The following NUAK1 variants were observed in gnomAD, a reference collection of about 807,000 sequenced individuals.
NUAK1 encodes NUAK family kinase 1.
In NUAK1, 26 loss-of-function variants were observed where a neutral mutation model predicts 56.9. The ratio of observed to expected loss-of-function variants is 0.46; its 90% CI spans 0.33 to 0.63. The LOEUF (loss-of-function observed/expected upper bound fraction) is 0.63, where lower values mean the gene tolerates loss of function less well. NUAK1 is among the 30% of genes least tolerant of loss of function. The probability of loss-of-function intolerance (pLI) is 0.02; values close to 1 mark genes in which losing one functional copy is unlikely to be tolerated. For synonymous variants in NUAK1, 337 were observed against 336.0 expected (o/e 1.00, Z -0.03); for missense variants, 727 against 876.1 (o/e 0.83, Z 2.15).
chr12:106,095,672 G>A (rs902830451), intron 2 of NUAK1, among the ~76,000 whole-genome samples: 4 of 152,204 alleles, frequency 2.6e-5, no homozygotes, highest in Non-Finnish European at 5.9e-5. Context: ...TTATGGGTAT[G>A]CACTGGCAGA....
At chr12:106,121,125 C>T (rs1251891671) in intron 1 of NUAK1, among the ~76,000 whole-genome samples, 1 of 152,188 alleles carries the variant, frequency 6.6e-6, no homozygotes, top group African/African-American at 2.4e-5. Context: ...GCGGAAAGAA[C>T]CCACAGCGGG....
intron 2 of NUAK1, among the ~76,000 whole-genome samples, chr12:106,089,437 C>T (rs1384044789): frequency 1.3e-5 from 2 of 152,204 alleles, no homozygotes; most frequent in Non-Finnish European, 2.9e-5. Context: ...CAGTCCAATA[C>T]ACCAAATATT....
intron 2 of NUAK1, among the ~76,000 whole-genome samples, chr12:106,100,053 T>C (rs988275079): frequency 6.4e-5 from 9 of 140,218 alleles, no homozygotes; most frequent in Non-Finnish European, 1.4e-4. Flanking sequence ...CTACCAAAAA[T>C]ACCTCACTTG....
At chr12:106,098,397 CGT>C (rs781275980) in intron 2 of NUAK1, among the ~76,000 whole-genome samples, 7 of 152,110 alleles carry the variant, frequency 4.6e-5, no homozygotes, top group Non-Finnish European at 8.8e-5. Flanking sequence ...TATCAAAGGA[CGT>C]GTTTGTCTAT....
At chr12:106,068,447 T>C (rs987674561) in intron 6 of NUAK1, among the ~76,000 whole-genome samples, 1 of 152,184 alleles carries the variant, frequency 6.6e-6, no homozygotes, top group African/African-American at 2.4e-5. Flanking sequence ...AGACAGAACA[T>C]GGAGTGTGGC....
At chr12:106,070,741 C>T (rs1189135018) in intron 6 of NUAK1, 33 bp downstream of exon 6, 2 of 1,613,576 alleles carry the variant, frequency 1.2e-6, no homozygotes, top group Admixed American at 1.7e-5. Flanking sequence ...TCTCTCCCCT[C>T]CACCTCTGAC....
At chr12:106,136,334 G>A (rs1592866357) in intron 1 of NUAK1, among the ~76,000 whole-genome samples, 1 of 152,162 alleles carries the variant, frequency 6.6e-6, no homozygotes, top group East Asian at 1.9e-4. Context: ...ATTTGCGGCT[G>A]GTAAAGAAGC....
intron 2 of NUAK1, among the ~76,000 whole-genome samples, chr12:106,094,372 A>C (rs1353625502): frequency 6.6e-6 from 1 of 152,232 alleles, no homozygotes; most frequent in East Asian, 1.9e-4. Flanking sequence ...CACTTCAAAA[A>C]TGAAGTGATC....
chr12:106,071,979 C>T (rs1170479931), intron 5 of NUAK1, among the ~76,000 whole-genome samples: 3 of 152,154 alleles, frequency 2.0e-5, no homozygotes, highest in South Asian at 2.1e-4. Context: ...AGAGAACCAT[C>T]TTTCAAAAAG....
In NUAK1 at chr12:106,087,924, C is replaced by T. The variant is rs532028786; in HGVS notation, c.362-1039G>A. On this transcript the variant is annotated intron_variant, in intron 2 of 6. Coordinates refer to ENST00000261402, the MANE Select transcript of NUAK1 (RefSeq NM_014840.3). ...AATGCCGCAGGTTGCAGGGCCGCTG[C>T]TACTATGATCTCAAGCCGGTTCCCG... 2.0e-5 allele frequency among the ~76,000 whole-genome samples: 3 copies of T among 152,356 alleles called. No individual in the cohort carries two copies. The East Asian group carries it at 5.8e-4, about 29-fold the overall frequency.
intron 2 of NUAK1, among the ~76,000 whole-genome samples, chr12:106,096,659 C>G (rs988689681): frequency 6.6e-6 from 1 of 152,208 alleles, no homozygotes; most frequent in Non-Finnish European, 1.5e-5. Flanking sequence ...CTCTGAGTCT[C>G]TGATGAGGGC....
At chr12:106,096,179 G>A (rs565556670) in intron 2 of NUAK1, among the ~76,000 whole-genome samples, 2 of 151,460 alleles carry the variant, frequency 1.3e-5, no homozygotes, top group African/African-American at 4.8e-5. Flanking sequence ...TTAAAAATTA[G>A]TGTCAAGTAT....
At chr12:106,124,377 T>C (rs949290907) in intron 1 of NUAK1, among the ~76,000 whole-genome samples, 2 of 152,208 alleles carry the variant, frequency 1.3e-5, no homozygotes, top group African/African-American at 4.8e-5. Flanking sequence ...TGGGATCTCA[T>C]TAGCAGAGGA....
In NUAK1 at chr12:106,070,757, C is replaced by T. The variant is rs553148801; in HGVS notation, c.832+17G>A. On this transcript the variant is annotated intron_variant, in intron 6 of 6. Transcript: ENST00000261402. Reference sequence around the variant, plus strand: ...CTCTCCCCTCCACCTCTGACCCTCCCTCCACAGGGCACGCACCTGAGGGCT... The same window carrying T: ...CTCTCCCCTCCACCTCTGACCCTCCTTCCACAGGGCACGCACCTGAGGGCT... 1 of 1,614,108 alleles carries T rather than the reference C, an allele frequency of 6.2e-7. No homozygotes were observed. Among genetic ancestry groups the T allele is most frequent in the South Asian group, 1.1e-5 (1 of 91,080 alleles).
intron 4 of NUAK1, among the ~76,000 whole-genome samples, chr12:106,076,655 T>C (rs1001409908): frequency 2.0e-5 from 3 of 152,202 alleles, no homozygotes; most frequent in African/African-American, 2.4e-5. Context: ...GTTAGAAAGA[T>C]AAATGAGGAA....
intron 1 of NUAK1, among the ~76,000 whole-genome samples, chr12:106,128,785 G>C (rs2033048787): frequency 6.6e-6 from 1 of 152,264 alleles, no homozygotes; most frequent in Admixed American, 6.5e-5. Flanking sequence ...ACCTACCACA[G>C]CCTCCACTTA....
chr12:106,076,044 C>A (rs1244230152), intron 4 of NUAK1, among the ~76,000 whole-genome samples: 1 of 152,062 alleles, frequency 6.6e-6, no homozygotes, highest in African/African-American at 2.4e-5. Flanking sequence ...GACCTGAACT[C>A]AACAAAAATA....
intron 3 of NUAK1, 27 bp downstream of exon 3, chr12:106,086,707 A>G (rs2032573891): frequency 6.3e-7 from 1 of 1,589,040 alleles, no homozygotes; most frequent in Non-Finnish European, 8.6e-7. Flanking sequence ...ATCTACGGCC[A>G]AAGCTGCGGG....
At chr12:106,088,233 T>G (rs917448071) in intron 2 of NUAK1, among the ~76,000 whole-genome samples, 2 of 152,232 alleles carry the variant, frequency 1.3e-5, no homozygotes, top group Non-Finnish European at 2.9e-5. Context: ...ATATTTGTTT[T>G]GAAATCCATC....
Sources: gnomAD v4.1 joint callset for allele counts (sites outside exome capture counted in the v4.1 genomes callset) on GRCh38, gnomAD v4.1.1 for gene constraint, MANE v1.5 for transcripts, NCBI Gene and HGNC (gene_info 2026-07-23, HGNC 2026-07-21) for gene names.